SLC26A7: variants seen among roughly 807,000 people sequenced by gnomAD.
The protein encoded by SLC26A7 is anion exchange transporter.
A neutral mutation model predicts 82.5 loss-of-function variants in SLC26A7; 59 were observed. The observed-to-expected ratio is 0.72, with a 90% CI of 0.58 to 0.89. SLC26A7 has a LOEUF of 0.89. Among genes scored for constraint, SLC26A7 ranks in the 40% least tolerant of loss-of-function variants. SLC26A7 has a pLI of 0.00. For missense variants in SLC26A7, 820 were observed against 793.0 expected (o/e 1.03, Z -0.41); for synonymous variants, 271 against 274.3 (o/e 0.99, Z 0.12).
intron 11 of SLC26A7, among the ~76,000 whole-genome samples, chr8:91,355,662 G>A (rs1348917276): frequency 2.0e-5 from 3 of 150,338 alleles, no homozygotes; most frequent in African/African-American, 4.9e-5. Context: ...TTATATTTAA[G>A]GTTTTTTTTC....
At chr8:91,299,852 A>C (rs1182654894) in intron 4 of SLC26A7, among the ~76,000 whole-genome samples, 1 of 152,238 alleles carries the variant, frequency 6.6e-6, no homozygotes, top group Non-Finnish European at 1.5e-5. Flanking sequence ...AAAATCAGAA[A>C]TTTATTGTTC....
intron 16 of SLC26A7, among the ~76,000 whole-genome samples, chr8:91,392,095 G>A (rs576365158): frequency 6.0e-4 from 91 of 152,216 alleles, no homozygotes; most frequent in African/African-American, 2.1e-3. Context: ...GGAATGACAG[G>A]ATCAATCAAC....
chr8:91,391,302 T>G (rs1814961759), intron 16 of SLC26A7, among the ~76,000 whole-genome samples: 1 of 152,186 alleles, frequency 6.6e-6, no homozygotes, highest in African/African-American at 2.4e-5. Context: ...ATCTCACTTC[T>G]CTGGATCTCA....
At chr8:91,377,808 C>A (rs1814559295) in intron 15 of SLC26A7, among the ~76,000 whole-genome samples, 1 of 152,124 alleles carries the variant, frequency 6.6e-6, no homozygotes, top group Non-Finnish European at 1.5e-5. Context: ...GTCTCTCAGA[C>A]TTTGCTGCTT....
chr8:91,324,435 G>A (rs138347321), intron 5 of SLC26A7, among the ~76,000 whole-genome samples: 382 of 152,296 alleles, frequency 2.5e-3, no homozygotes, highest in African/African-American at 8.9e-3. Context: ...CATGACTCAT[G>A]TTTAAAGGTT....
At chr8:91,292,188 C>T (rs1249727061) in intron 3 of SLC26A7, among the ~76,000 whole-genome samples, 1 of 151,852 alleles carries the variant, frequency 6.6e-6, no homozygotes, top group African/African-American at 2.4e-5. Context: ...ACCTGTAGTC[C>T]CAGCTACTCA....
At chr8:91,228,750 T>G (rs1307768437) in intron 2 of SLC26A7, among the ~76,000 whole-genome samples, 1 of 152,198 alleles carries the variant, frequency 6.6e-6, no homozygotes. Context: ...GATTTCTTTC[T>G]GGTGTGACTG....
At chr8:91,334,992 C>A (rs1261639437) in intron 6 of SLC26A7, among the ~76,000 whole-genome samples, 6 of 152,114 alleles carry the variant, frequency 3.9e-5, no homozygotes, top group Non-Finnish European at 2.9e-5. Flanking sequence ...CAATACATTA[C>A]ATTTTGCTCC....
chr8:91,305,869 CT>C (rs1283475492), intron 4 of SLC26A7, among the ~76,000 whole-genome samples: 1 of 152,058 alleles, frequency 6.6e-6, no homozygotes, highest in African/African-American at 2.4e-5. Context: ...TTTACTATTC[CT>C]GTTATACCAA....
intron 15 of SLC26A7, among the ~76,000 whole-genome samples, chr8:91,372,603 T>C (rs1814396915): frequency 6.6e-6 from 1 of 152,208 alleles, no homozygotes. Flanking sequence ...TCTGTTTTTG[T>C]ACCAGTACCA....
chr8:91,350,554 G>A (rs1251906025), intron 9 of SLC26A7, among the ~76,000 whole-genome samples: 1 of 151,756 alleles, frequency 6.6e-6, no homozygotes, highest in Admixed American at 6.6e-5. Context: ...CCAGCCTCTA[G>A]CATCCTATAA....
At chr8:91,293,717 T>A (rs1279728412) in intron 3 of SLC26A7, among the ~76,000 whole-genome samples, 1 of 152,192 alleles carries the variant, frequency 6.6e-6, no homozygotes, top group Non-Finnish European at 1.5e-5. Context: ...AATTAAAAAA[T>A]TAACTCATCT....
chr8:91,266,337 T>C (rs1811111871), intron 2 of SLC26A7, among the ~76,000 whole-genome samples: 1 of 152,016 alleles, frequency 6.6e-6, no homozygotes, highest in Non-Finnish European at 1.5e-5. Flanking sequence ...GTATGGACAT[T>C]TTAATGATAT....
chr8:91,332,312 T>C (rs1411933617), intron 5 of SLC26A7, among the ~76,000 whole-genome samples: 2 of 141,464 alleles, frequency 1.4e-5, no homozygotes, highest in Admixed American at 1.5e-4. Context: ...AGATAAATTA[T>C]ATAATTATAT....
At chr8:91,343,881 G>C (rs1357168648) in intron 9 of SLC26A7, 1 of 374,424 alleles carries the variant, frequency 2.7e-6, no homozygotes, top group Non-Finnish European at 3.7e-6. Flanking sequence ...ATATGTACAA[G>C]TATATAAATG....
intron 5 of SLC26A7, among the ~76,000 whole-genome samples, chr8:91,321,879 C>A (rs1037569720): frequency 6.9e-6 from 1 of 145,434 alleles, no homozygotes; most frequent in Non-Finnish European, 1.5e-5. Flanking sequence ...AGCTAATGAC[C>A]GAGTGTCTTT....
chr8:91,375,400 CTT>C (rs1327065524), intron 15 of SLC26A7, among the ~76,000 whole-genome samples: 1 of 152,062 alleles, frequency 6.6e-6, no homozygotes, highest in African/African-American at 2.4e-5. Context: ...GTTTAGAACT[CTT>C]TTGAACATTT....
chr8:91,395,150 A>T lies in SLC26A7; in HGVS notation c.*53A>T. 1.9e-6 allele frequency: 3 copies of T among 1,608,660 alleles called. No individual in the cohort carries two copies. Among genetic ancestry groups the T allele is most frequent in the Non-Finnish European group, 2.5e-6 (3 of 1,177,888 alleles). ...TCTTTACCAACTGCCTGAAGAGGCCATATGCTGGCATTTTGCACAACTTTT... is the reference window on the plus strand; with the variant it reads ...TCTTTACCAACTGCCTGAAGAGGCCTTATGCTGGCATTTTGCACAACTTTT... On this transcript the variant is annotated 3_prime_UTR_variant, in exon 19 of 19. Transcript: ENST00000276609.
At chr8:91,392,170 A>G (rs977693926) in intron 16 of SLC26A7, among the ~76,000 whole-genome samples, 4 of 152,166 alleles carry the variant, frequency 2.6e-5, no homozygotes, top group Non-Finnish European at 2.9e-5. Flanking sequence ...TTTTATCTAT[A>G]TATACAAAAC....
Sources: allele counts gnomAD v4.1 joint callset (sites outside exome capture counted in the v4.1 genomes callset), GRCh38; gene constraint gnomAD v4.1.1; transcripts MANE v1.5; gene names NCBI Gene and HGNC (gene_info 2026-07-23, HGNC 2026-07-21).